Variants in NME7 observed in about 807,000 individuals in gnomAD.
The protein encoded by NME7 is NME/NM23 family member 7, also known as nucleoside diphosphate kinase 7.
In NME7, 41 loss-of-function variants were observed where a neutral mutation model predicts 49.1. The ratio of observed to expected loss-of-function variants is 0.83; its 90% CI spans 0.65 to 1.08. The LOEUF is 1.08. Ranked by LOEUF, NME7 falls within the 50% of genes least tolerant of loss-of-function variation. The probability of loss-of-function intolerance (pLI) is 0.00; values close to 1 mark genes in which losing one functional copy is unlikely to be tolerated. For missense variants in NME7, 423 were observed against 463.4 expected, an observed-to-expected ratio of 0.91 and a Z score of 0.80; for synonymous variants, 139 against 150.6, an observed-to-expected ratio of 0.92 and a Z score of 0.56.
rs183940302 is a variant in NME7 at position 169,280,092 on chromosome 1, G to C, written c.754+7211C>G. On this transcript the variant is annotated intron_variant, in intron 7 of 11. Transcript: ENST00000367811. ...ATACTCCCACCAACAGTGTAAAAGC[G>C]TTCCCATTTTTCCACAACCTCTCCA... Among the ~76,000 whole-genome samples the C allele has an allele frequency of 8.8e-4, 134 of 152,216 alleles. 1 individual carries two copies. The highest frequency in any genetic ancestry group is 3.2e-3 in the African/African-American group (131 of 41,548).
intron 7 of NME7, among the ~76,000 whole-genome samples, chr1:169,283,449 A>G (rs1650122381): frequency 1.3e-5 from 2 of 152,240 alleles, no homozygotes; most frequent in South Asian, 4.1e-4. Flanking sequence ...GTTTACATTT[A>G]AGGTTAATAC....
intron 3 of NME7, among the ~76,000 whole-genome samples, chr1:169,313,633 C>A (rs1651498350): frequency 6.6e-6 from 1 of 152,090 alleles, no homozygotes; most frequent in African/African-American, 2.4e-5. Flanking sequence ...AATACACCCA[C>A]ACATACACAC....
intron 7 of NME7, among the ~76,000 whole-genome samples, chr1:169,262,526 T>C (rs1649196573): frequency 7.5e-6 from 1 of 133,278 alleles, no homozygotes; most frequent in Admixed American, 7.3e-5. Flanking sequence ...AAAACAAAAG[T>C]GCTAGTGAAC....
chr1:169,193,090 C>T (rs914904504), intron 10 of NME7, among the ~76,000 whole-genome samples: 1 of 151,954 alleles, frequency 6.6e-6, no homozygotes, highest in Admixed American at 6.6e-5. Flanking sequence ...GCAGGAGGAT[C>T]ACTTAAGGCC....
In NME7 at chr1:169,230,804, T is replaced by C; in HGVS notation, c.904A>G (p.Met302Val). The C allele has an allele frequency of 6.3e-7, 1 of 1,598,292 alleles. No homozygotes were observed. The highest frequency in any genetic ancestry group is 8.5e-7 in the Non-Finnish European group (1 of 1,172,158). The change falls in exon 10 of 12, where the codon ATG becomes GTG. Residue 302 changes from methionine to valine, a missense_variant. Physicochemically the swap from Met to Val is conservative, Grantham distance 21. Transcript: ENST00000367811. ...VTEYHDMVTE[M>V]YSGPCVAMEI... Reference sequence around the variant, plus strand: ...ATTGCTACACAAGGGCCAGAATACATTTCTGTCACCATGTCCTATGATATG... The same window carrying C: ...ATTGCTACACAAGGGCCAGAATACACTTCTGTCACCATGTCCTATGATATG...
At chr1:169,348,934 A>AT (rs1343283324) in intron 1 of NME7, among the ~76,000 whole-genome samples, 1 of 151,870 alleles carries the variant, frequency 6.6e-6, no homozygotes, top group African/African-American at 2.4e-5. Flanking sequence ...GACCCTAAGT[A>AT]GTAGGCTAGA....
chr1:169,320,039 T>A (rs1651795392), intron 3 of NME7, among the ~76,000 whole-genome samples: 1 of 152,202 alleles, frequency 6.6e-6, no homozygotes, highest in East Asian at 1.9e-4. Flanking sequence ...TCATATAAAA[T>A]TCCTCTATCA....
At chr1:169,141,741 G>C (rs906510320) in intron 11 of NME7, among the ~76,000 whole-genome samples, 2 of 152,056 alleles carry the variant, frequency 1.3e-5, no homozygotes, top group African/African-American at 2.4e-5. Context: ...AAATTTTTTA[G>C]AAGATGGAAT....
In NME7 at chr1:169,273,876, G is replaced by C. The variant is rs1178612041; in HGVS notation, c.754+13427C>G. On this transcript the variant is annotated intron_variant, in intron 7 of 11. Coordinates refer to ENST00000367811, the MANE Select transcript of NME7 (RefSeq NM_013330.5). ...CAGTCTATCATTGTTGGACATTTGG[G>C]TTGGTTCCAAGTCTTTGCTATTGTG... Among the ~76,000 whole-genome samples the C allele has an allele frequency of 1.6e-5, 2 of 127,090 alleles. 1 individual carries two copies. Among genetic ancestry groups the C allele is most frequent in the Non-Finnish European group, 3.7e-5 (2 of 54,334 alleles). The allele number at this position is 127,090 out of a possible 152,430, so 83.4% of individuals were successfully genotyped here. A position where few individuals can be genotyped will look rare whatever the true frequency, so the allele number is the denominator to read the frequency against.
chr1:169,198,109 G>A (rs116773037), intron 10 of NME7, among the ~76,000 whole-genome samples: 11 of 151,888 alleles, frequency 7.2e-5, no homozygotes, highest in South Asian at 2.1e-4. Flanking sequence ...AAAGATACTC[G>A]ATATCACTAG....
At chr1:169,163,759 T>TA (rs372961097) in intron 11 of NME7, among the ~76,000 whole-genome samples, 1 of 152,124 alleles carries the variant, frequency 6.6e-6, no homozygotes, top group Non-Finnish European at 1.5e-5. Context: ...CAAATGTTCA[T>TA]AAAAAATTTA....
intron 11 of NME7, among the ~76,000 whole-genome samples, chr1:169,154,926 A>AT (rs1296273375): frequency 3.9e-5 from 6 of 151,966 alleles, no homozygotes; most frequent in African/African-American, 7.2e-5. Flanking sequence ...ATTATAAAGG[A>AT]TTTTTTCTTT....
At chr1:169,278,980 C>T (rs533025446) in intron 7 of NME7, among the ~76,000 whole-genome samples, 4 of 152,264 alleles carry the variant, frequency 2.6e-5, no homozygotes, top group African/African-American at 7.2e-5. Flanking sequence ...GTATCAGCAG[C>T]GGTGTCTGCA....
intron 11 of NME7, among the ~76,000 whole-genome samples, chr1:169,165,934 G>A (rs1258175786): frequency 6.6e-6 from 1 of 152,096 alleles, no homozygotes; most frequent in Admixed American, 6.6e-5. Context: ...TCTAACTTCT[G>A]ATTTTTGATT....
At chr1:169,355,332 T>C (rs867986632) in intron 1 of NME7, among the ~76,000 whole-genome samples, 2 of 77,884 alleles carry the variant, frequency 2.6e-5, no homozygotes, top group African/African-American at 8.1e-5. Context: ...ATATAATATA[T>C]TGTATATTAT....
At chr1:169,274,537 C>T (rs139363746) in intron 7 of NME7, among the ~76,000 whole-genome samples, 4,234 of 133,460 alleles carry the variant, frequency 0.032, 610 homozygotes, top group African/African-American at 0.099. Context: ...ATGAAGTCGT[C>T]GCCTATGCCT....
chr1:169,258,397 TATATATATAC>T (rs200144410), intron 7 of NME7, among the ~76,000 whole-genome samples: 11,721 of 82,350 alleles, frequency 0.14, 2,103 homozygotes, highest in East Asian at 0.49. Context: ...TATATATATA[TATATATATAC>T]ACACACACAC....
chr1:169,283,823 T>A (rs1240922881), intron 7 of NME7: 1 of 152,252 alleles, frequency 6.6e-6, no homozygotes, highest in Admixed American at 6.5e-5. Flanking sequence ...CTGCTGTTAG[T>A]CTGAATGGGC....
chr1:169,154,593 T>A (rs1465251871), intron 11 of NME7, among the ~76,000 whole-genome samples: 2 of 151,462 alleles, frequency 1.3e-5, no homozygotes, highest in Non-Finnish European at 3.0e-5. Flanking sequence ...AGATCAGGAG[T>A]TCGAGACCAG....
Sources: allele counts gnomAD v4.1 joint callset (sites outside exome capture counted in the v4.1 genomes callset), GRCh38; gene constraint gnomAD v4.1.1; transcripts MANE v1.5; gene names NCBI Gene and HGNC (gene_info 2026-07-23, HGNC 2026-07-21).